The following NKAIN2 variants were observed in gnomAD, a reference collection of about 807,000 sequenced individuals.
NKAIN2 encodes the protein sodium/potassium-transporting ATPase subunit beta-1-interacting protein 2.
In NKAIN2, 14 loss-of-function variants were observed where a neutral mutation model predicts 32.6. The observed-to-expected ratio is 0.43, with a 90% CI of 0.28 to 0.67. The LOEUF is 0.67. NKAIN2 is among the 30% of genes least tolerant of loss of function. NKAIN2 has a pLI of 0.17. For synonymous variants in NKAIN2, 80 were observed against 87.2 expected, an observed-to-expected ratio of 0.92 and a Z score of 0.46; for missense variants, 198 against 258.3, an observed-to-expected ratio of 0.77 and a Z score of 1.60.
chr6:123,873,483 T>G (rs893690226), intron 1 of NKAIN2, among the ~76,000 whole-genome samples: 3 of 152,170 alleles, frequency 2.0e-5, no homozygotes, highest in African/African-American at 7.2e-5. Context: ...TGGGAAGCTA[T>G]GAGAATTTTA....
At chr6:124,357,670 CTT>C (rs1259096309) in intron 3 of NKAIN2, among the ~76,000 whole-genome samples, 4 of 152,062 alleles carry the variant, frequency 2.6e-5, no homozygotes, top group Admixed American at 2.0e-4. Flanking sequence ...TCCATGAAAT[CTT>C]TTGTAAATAA....
At chr6:123,948,597 A>ATTTTTTTTTTTTTTTTTTTTTTTTTTT (rs71021472) in intron 1 of NKAIN2, among the ~76,000 whole-genome samples, 5 of 49,278 alleles carry the variant, frequency 1.0e-4, no homozygotes, top group South Asian at 1.0e-3. Flanking sequence ...CTTAAATGGG[A>ATTTTTTTTTTTTTTTTTTTTTTTTTTT]TTTTTTTTTT....
chr6:124,075,832 G>A (rs1243240637), intron 1 of NKAIN2, among the ~76,000 whole-genome samples: 2 of 152,138 alleles, frequency 1.3e-5, no homozygotes, highest in Non-Finnish European at 2.9e-5. Context: ...CTGACCTCAA[G>A]TGATCTGCCT....
intron 1 of NKAIN2, among the ~76,000 whole-genome samples, chr6:123,917,651 A>G (rs1017136856): frequency 6.6e-6 from 1 of 151,880 alleles, no homozygotes; most frequent in Non-Finnish European, 1.5e-5. Context: ...CCTTTTCTAC[A>G]TCCCTTCCTA....
intron 3 of NKAIN2, among the ~76,000 whole-genome samples, chr6:124,404,293 G>A (rs374594095): frequency 1.2e-4 from 18 of 152,168 alleles, no homozygotes; most frequent in African/African-American, 4.1e-4. Flanking sequence ...GTCGTCTCAG[G>A]TCCCAACCCA....
chr6:124,250,919 A>T (rs1283685684), intron 1 of NKAIN2, among the ~76,000 whole-genome samples: 7 of 152,058 alleles, frequency 4.6e-5, no homozygotes, highest in Non-Finnish European at 1.0e-4. Flanking sequence ...AGGACTTGGT[A>T]TCATCTGAAG....
At chr6:123,959,221 G>A (rs541546177) in intron 1 of NKAIN2, among the ~76,000 whole-genome samples, 53 of 152,282 alleles carry the variant, frequency 3.5e-4, no homozygotes, top group African/African-American at 1.3e-3. Context: ...CGTTGAAGTT[G>A]CAAGGTGCTG....
At chr6:124,631,594 C>G (rs573970539) in intron 3 of NKAIN2, among the ~76,000 whole-genome samples, 2 of 152,210 alleles carry the variant, frequency 1.3e-5, no homozygotes, top group East Asian at 3.9e-4. Flanking sequence ...CACTACTCAG[C>G]ACACCGCTTT....
intron 1 of NKAIN2, among the ~76,000 whole-genome samples, chr6:124,050,640 G>C (rs973607561): frequency 6.6e-6 from 1 of 151,836 alleles, no homozygotes; most frequent in South Asian, 2.1e-4. Flanking sequence ...GCTACAGTAC[G>C]GTCAGTTTGT....
chr6:123,845,883 C>G (rs1775066810), intron 1 of NKAIN2, among the ~76,000 whole-genome samples: 1 of 152,156 alleles, frequency 6.6e-6, no homozygotes, highest in Admixed American at 6.5e-5. Flanking sequence ...ATTTGAGTTT[C>G]TATTATTCAT....
At chr6:124,711,711 T>C (rs1775471045) in intron 4 of NKAIN2, among the ~76,000 whole-genome samples, 1 of 151,878 alleles carries the variant, frequency 6.6e-6, no homozygotes, top group Non-Finnish European at 1.5e-5. Flanking sequence ...ATTCTAGTTA[T>C]ACATTCTTCT....
At chr6:124,013,254 C>T (rs1393733541) in intron 1 of NKAIN2, among the ~76,000 whole-genome samples, 1 of 152,068 alleles carries the variant, frequency 6.6e-6, no homozygotes. Context: ...AAAGTATTAT[C>T]TCTGTACTTT....
intron 1 of NKAIN2, among the ~76,000 whole-genome samples, chr6:124,158,818 C>T (rs1029312319): frequency 6.6e-6 from 1 of 151,906 alleles, no homozygotes; most frequent in Non-Finnish European, 1.5e-5. Flanking sequence ...TAGATCTAGC[C>T]CATCAGATAC....
intron 1 of NKAIN2, among the ~76,000 whole-genome samples, chr6:124,045,245 A>G (rs1210427269): frequency 1.3e-5 from 2 of 151,972 alleles, no homozygotes; most frequent in Non-Finnish European, 2.9e-5. Flanking sequence ...TGCAAGATTT[A>G]TATATTCTAA....
intron 1 of NKAIN2, among the ~76,000 whole-genome samples, chr6:124,024,324 T>C (rs949228816): frequency 6.6e-6 from 1 of 152,160 alleles, no homozygotes; most frequent in African/African-American, 2.4e-5. Flanking sequence ...TTAACATCAC[T>C]GAATGGCCTT....
intron 1 of NKAIN2, among the ~76,000 whole-genome samples, chr6:124,028,550 T>TA (rs1781224121): frequency 6.6e-6 from 1 of 151,008 alleles, no homozygotes; most frequent in Admixed American, 6.6e-5. Flanking sequence ...AAATAAATTT[T>TA]AAAAAAAAGG....
At chr6:124,731,291 G>T (rs1776653137) in intron 4 of NKAIN2, among the ~76,000 whole-genome samples, 1 of 150,386 alleles carries the variant, frequency 6.6e-6, no homozygotes, top group Non-Finnish European at 1.5e-5. Flanking sequence ...ATTCACAATA[G>T]CAAAGACTTG....
intron 3 of NKAIN2, among the ~76,000 whole-genome samples, chr6:124,425,282 T>G (rs958168533): frequency 6.6e-6 from 1 of 151,974 alleles, no homozygotes; most frequent in African/African-American, 2.4e-5. Context: ...GGAAATGAAA[T>G]TAGACATGTA....
intron 1 of NKAIN2, among the ~76,000 whole-genome samples, chr6:124,232,340 A>G (rs1171925071): frequency 6.6e-6 from 1 of 152,200 alleles, no homozygotes; most frequent in Non-Finnish European, 1.5e-5. Context: ...AAGTGAATGA[A>G]ACAGTAATTA....
Sources: allele counts gnomAD v4.1 joint callset (sites outside exome capture counted in the v4.1 genomes callset), GRCh38; gene constraint gnomAD v4.1.1; transcripts MANE v1.5; gene names NCBI Gene and HGNC (gene_info 2026-07-23, HGNC 2026-07-21).